Variants in ASB4 observed in about 807,000 individuals in gnomAD.
ASB4 encodes ankyrin repeat and SOCS box containing 4.
ASB4 carries 35 observed loss-of-function variants against 38.6 expected under a neutral mutation model. That is an observed-to-expected ratio of 0.91 (90% CI 0.69 to 1.20). The LOEUF (loss-of-function observed/expected upper bound fraction) is 1.20. Among genes scored for constraint, ASB4 ranks in the 50% most tolerant of loss-of-function variants. The pLI is 0.00. For synonymous variants in ASB4, 195 were observed against 201.3 expected, an observed-to-expected ratio of 0.97 and a Z score of 0.26; for missense variants, 557 against 527.2, an observed-to-expected ratio of 1.06 and a Z score of -0.55.
At chr7:95,530,908 G>A (rs1218072733) in intron 3 of ASB4, among the ~76,000 whole-genome samples, 1 of 152,116 alleles carries the variant, frequency 6.6e-6, no homozygotes, top group Admixed American at 6.5e-5. Context: ...GAATAGTGAA[G>A]GTGGTGAGAA....
chr7:95,484,056 A>G (rs1286409457), upstream of ASB4, among the ~76,000 whole-genome samples: 1 of 151,262 alleles, frequency 6.6e-6, no homozygotes, highest in Non-Finnish European at 1.5e-5. Flanking sequence ...TGTCAGGCAT[A>G]GTGGCTCATG....
At chr7:95,482,683 G>A (rs1213928829), upstream of ASB4, among the ~76,000 whole-genome samples, 1 of 152,198 alleles carries the variant, frequency 6.6e-6, no homozygotes, top group South Asian at 2.1e-4. Flanking sequence ...GAGATCAATA[G>A]GCTTGCTGAC....
At chr7:95,482,755 G>T (rs976474308), upstream of ASB4, among the ~76,000 whole-genome samples, 6 of 152,152 alleles carry the variant, frequency 3.9e-5, no homozygotes, top group African/African-American at 1.4e-4. Context: ...TTGTAGCTAG[G>T]AAGGCTAGAA....
Position 95,515,161 on chromosome 7 carries a change from CTCTTTCTCTT to C in ASB4, c.488-12644_488-12635del, listed in dbSNP as rs754072648. 4.6e-3 allele frequency among the ~76,000 whole-genome samples: 582 copies of C among 125,836 alleles called. 7 individuals carry two copies. Among genetic ancestry groups the C allele is most frequent in the South Asian group, 0.013 (48 of 3,824 alleles). The allele number at this position is 125,836 out of a possible 152,430, so 82.6% of individuals were successfully genotyped here. ...AGCAATTGTTTTTCTTTCTTTCTTT[CTCTTTCTCTT>C]TCTTTCTTTCTTTCTTTCTTTCTTT... On this transcript the variant is annotated intron_variant, in intron 2 of 4. Transcript: ENST00000325885.
At chr7:95,529,686 T>G (rs1790792473) in intron 3 of ASB4, among the ~76,000 whole-genome samples, 1 of 152,194 alleles carries the variant, frequency 6.6e-6, no homozygotes, top group Non-Finnish European at 1.5e-5. Context: ...TTTCCAAAAG[T>G]TTTTTAGGGA....
rs913087125 is a variant in ASB4, at chr7:95,537,726, C to T, written c.1248C>T (p.Tyr416=). Residue 416 remains tyrosine, a synonymous_variant, in exon 5 of 5, where the codon TAC becomes TAT. Coordinates refer to ENST00000325885, the MANE Select transcript of ASB4 (RefSeq NM_016116.3). ...LLSLPLSLKK[Y]LLLEPEGIIY ...CCCTCCCATTGTCATTGAAAAAGTACTTGCTTTTAGAGCCAGAGGGAATTA... is the reference window on the plus strand; with the variant it reads ...CCCTCCCATTGTCATTGAAAAAGTATTTGCTTTTAGAGCCAGAGGGAATTA... 1.9e-6 allele frequency: 3 copies of T among 1,613,796 alleles called. No homozygotes were observed. Among genetic ancestry groups the T allele is most frequent in the Non-Finnish European group, 2.5e-6 (3 of 1,179,816 alleles).
At chr7:95,511,574 A>C (rs1790481703) in intron 2 of ASB4, among the ~76,000 whole-genome samples, 2 of 152,014 alleles carry the variant, frequency 1.3e-5, no homozygotes, top group African/African-American at 4.8e-5. Flanking sequence ...AGGCAGGAGA[A>C]TCTCTTGAAC....
the ASB4 span, among the ~76,000 whole-genome samples, chr7:95,472,956 C>T: frequency 1.1e-4 from 17 of 152,160 alleles, no homozygotes; most frequent in African/African-American, 3.6e-4. Context: ...ACTGCTAAAT[C>T]CTCTATTTCC....
intron 1 of ASB4, among the ~76,000 whole-genome samples, chr7:95,486,865 A>G (rs2116574532): frequency 6.6e-6 from 1 of 152,342 alleles, no homozygotes; most frequent in South Asian, 2.1e-4. Flanking sequence ...ATTTTCTGGA[A>G]CCCATGCTTA....
chr7:95,511,051 A>G (rs1249726305), intron 2 of ASB4, among the ~76,000 whole-genome samples: 1 of 152,210 alleles, frequency 6.6e-6, no homozygotes, highest in Non-Finnish European at 1.5e-5. Context: ...AACATAATAT[A>G]AACAATTTTA....
At chr7:95,524,499 A>T (rs1584089937) in intron 2 of ASB4, among the ~76,000 whole-genome samples, 2 of 44,990 alleles carry the variant, frequency 4.4e-5, no homozygotes, top group East Asian at 4.2e-4. Context: ...TACAATAATT[A>T]AAAAAAACTG....
rs370333866 is a variant in ASB4, at chr7:95,527,842, C to A, written c.517C>A (p.Gln173Lys). 10 of 1,606,100 alleles carry A rather than the reference C, an allele frequency of 6.2e-6. No homozygotes were observed. The highest frequency in any genetic ancestry group is 8.5e-6 in the Non-Finnish European group (10 of 1,173,882). ...GANVNMKTNN[Q>K]DEETPLHTAA... is the part of the protein sequence containing the mutation. ...GAATGTGAACATGAAGACCAACAAC[C>A]AAGATGAGGAGACGCCCTTGCACAC... The change falls in exon 3 of 5, where the codon CAA becomes AAA. Residue 173 changes from glutamine to lysine, a missense_variant. Gln to Lys is a moderately conservative substitution (Grantham distance 53). Transcript: ENST00000325885.
the ASB4 span, among the ~76,000 whole-genome samples, chr7:95,550,085 C>CAGA: frequency 6.6e-6 from 1 of 152,194 alleles, no homozygotes; most frequent in African/African-American, 2.4e-5. Flanking sequence ...CTCCTTGCAA[C>CAGA]AGAATACTTT....
chr7:95,536,396 T>C (rs1353834668), intron 3 of ASB4, 41 bp from the exon 4 acceptor site: 1 of 1,266,412 alleles, frequency 7.9e-7, no homozygotes, highest in Non-Finnish European at 1.2e-6. Flanking sequence ...ATGAACCATA[T>C]ATGTGCATCA....
chr7:95,521,705 C>T (rs1585814115), intron 2 of ASB4, among the ~76,000 whole-genome samples: 1 of 150,348 alleles, frequency 6.7e-6, no homozygotes, highest in African/African-American at 2.4e-5. Flanking sequence ...AAAAACAGTT[C>T]TCTATTCAAA....
chr7:95,527,332 A>C (rs930369974), intron 2 of ASB4, among the ~76,000 whole-genome samples: 1 of 152,242 alleles, frequency 6.6e-6, no homozygotes, highest in African/African-American at 2.4e-5. Context: ...GTTTACTTGC[A>C]TCAAACTTTT....
In ASB4 at chr7:95,529,290, T is replaced by C. The variant is rs181081697; in HGVS notation, c.978+987T>C. 2.0e-5 allele frequency among the ~76,000 whole-genome samples: 3 copies of C among 152,336 alleles called. No homozygotes were observed. In the East Asian group the frequency reaches 5.8e-4, roughly 29 times the overall value. Reference sequence around the variant, plus strand: ...TAATACTATACTTAGGTTTCCCCCTTGCTCTAAAAATTTAATTAACAACAA... The same window carrying C: ...TAATACTATACTTAGGTTTCCCCCTCGCTCTAAAAATTTAATTAACAACAA... On this transcript the variant is annotated intron_variant, in intron 3 of 4. Coordinates refer to ENST00000325885, the MANE Select transcript of ASB4 (RefSeq NM_016116.3).
chr7:95,495,655 A>G (rs531741015), intron 1 of ASB4, 103 bp from the exon 2 acceptor site: 1 of 1,219,134 alleles, frequency 8.2e-7, no homozygotes, highest in African/African-American at 1.5e-5. Context: ...CCACTTTTAT[A>G]AATGTGGCCA....
intron 3 of ASB4, among the ~76,000 whole-genome samples, chr7:95,529,315 A>G (rs918549896): frequency 6.6e-6 from 1 of 152,218 alleles, no homozygotes. Flanking sequence ...ATTAACAACA[A>G]GAAGAGTTTG....
Sources: gnomAD v4.1 joint callset for allele counts (sites outside exome capture counted in the v4.1 genomes callset) on GRCh38, gnomAD v4.1.1 for gene constraint, MANE v1.5 for transcripts, NCBI Gene and HGNC (gene_info 2026-07-23, HGNC 2026-07-21) for gene names.